Variants in ZEB2 observed in about 807,000 individuals in gnomAD.
ZEB2 encodes the protein zinc finger E-box binding homeobox 2, also known as zinc finger E-box-binding homeobox 2.
Under a neutral mutation model 99.9 loss-of-function variants are expected in ZEB2, and 6 were observed. The observed-to-expected ratio is 0.06, with a 90% CI of 0.03 to 0.12. The LOEUF is 0.12. Among genes scored for constraint, ZEB2 ranks in the 10% least tolerant of loss-of-function variants. The pLI, the probability that ZEB2 is intolerant of heterozygous loss-of-function variation, is 1.00. For missense variants in ZEB2, 969 were observed against 1,502.8 expected (o/e 0.64, Z 5.87); for synonymous variants, 517 against 542.5 (o/e 0.95, Z 0.65).
intron 4 of ZEB2, among the ~76,000 whole-genome samples, chr2:144,409,117 G>A (rs1003574396): frequency 1.3e-5 from 2 of 152,152 alleles, no homozygotes; most frequent in African/African-American, 4.8e-5. Context: ...AGGCCGAGGT[G>A]CACCTTGCAG....
At chr2:144,507,290 T>C (rs908069556) in intron 2 of ZEB2, 6 of 152,170 alleles carry the variant, frequency 3.9e-5, no homozygotes, top group African/African-American at 1.2e-4. Flanking sequence ...CAATAGAGTA[T>C]GACATTTAAT....
chr2:144,459,815 AG>A (rs1704167846), intron 2 of ZEB2, among the ~76,000 whole-genome samples: 1 of 152,226 alleles, frequency 6.6e-6, no homozygotes, highest in South Asian at 2.1e-4. Context: ...AAAATTATAC[AG>A]GAAGGGTAAA....
In ZEB2 at chr2:144,443,718, T is replaced by C. The variant is rs575820150; in HGVS notation, c.74-13692A>G. Among the ~76,000 whole-genome samples, 22 of 152,332 alleles carry C rather than the reference T, an allele frequency of 1.4e-4. No individual in the cohort carries two copies. The South Asian group carries it at 4.1e-3, about 29-fold the overall frequency. ...TTAAAATCATGAAACACCACAGTAT[T>C]TGTTCTCACAGATTCCTTTCACTTT... On this transcript the variant is annotated intron_variant, in intron 2 of 9. Transcript: ENST00000627532.
chr2:144,455,852 AT>A lies in ZEB2; in HGVS notation c.74-25827del, dbSNP rs1248880879. The stretch of plus-strand genomic sequence containing the variant: ...TCTTTCCTAATCCCAAGAAGCCATT[AT>A]TATTACTTAAAGTATATCTCAAGGT... On this transcript the variant is annotated intron_variant, in intron 2 of 9. Coordinates refer to ENST00000627532, the MANE Select transcript of ZEB2 (RefSeq NM_014795.4). 3.9e-5 allele frequency among the ~76,000 whole-genome samples: 6 copies of A among 152,258 alleles called. 1 individual carries two copies. In the East Asian group the frequency reaches 1.2e-3, roughly 29 times the overall value.
chr2:144,484,714 AC>A (rs1052457264), intron 2 of ZEB2, among the ~76,000 whole-genome samples: 1 of 151,548 alleles, frequency 6.6e-6, no homozygotes, highest in Non-Finnish European at 1.5e-5. Flanking sequence ...CCCTCTCATC[AC>A]CCTCTCTATG....
chr2:144,423,387 G>A (rs1019664179), intron 4 of ZEB2, among the ~76,000 whole-genome samples: 6 of 152,074 alleles, frequency 3.9e-5, no homozygotes, highest in Admixed American at 3.9e-4. Flanking sequence ...TCATGATATC[G>A]CTTTATTTTT....
At chr2:144,505,591 T>C (rs542646347) in intron 2 of ZEB2, among the ~76,000 whole-genome samples, 1 of 152,108 alleles carries the variant, frequency 6.6e-6, no homozygotes, top group East Asian at 1.9e-4. Context: ...GGTGGCTGGA[T>C]TGTAGGAGGT....
chr2:144,458,745 T>G, intron 2 of ZEB2, among the ~76,000 whole-genome samples: 1 of 152,164 alleles, frequency 6.6e-6, no homozygotes, highest in East Asian at 1.9e-4. Context: ...GATGAAGCAA[T>G]TTTAGCCTTT....
At chr2:144,515,797 TAGAGAGAG>T (rs10639317) in intron 2 of ZEB2, among the ~76,000 whole-genome samples, 1 of 146,748 alleles carries the variant, frequency 6.8e-6, no homozygotes, top group African/African-American at 2.5e-5. Context: ...ACACAAAACC[TAGAGAGAG>T]AGAGAGAGAG....
chr2:144,396,291 T>C (rs1211040133), intron 9 of ZEB2, 121 bp downstream of exon 9: 2 of 1,303,882 alleles, frequency 1.5e-6, no homozygotes, highest in African/African-American at 2.9e-5. Context: ...AAGCATTATT[T>C]CTTCCTTGTT....
intron 4 of ZEB2, among the ~76,000 whole-genome samples, chr2:144,407,315 C>T (rs1014466636): frequency 4.6e-5 from 7 of 152,258 alleles, no homozygotes; most frequent in African/African-American, 1.7e-4. Context: ...AGATTTTATA[C>T]CTTGAAATTT....
chr2:144,412,199 G>A (rs1703474297), intron 4 of ZEB2, among the ~76,000 whole-genome samples: 1 of 152,172 alleles, frequency 6.6e-6, no homozygotes, highest in South Asian at 2.1e-4. Flanking sequence ...AACCTGGGAG[G>A]CGGAGGTTGC....
intron 4 of ZEB2, among the ~76,000 whole-genome samples, chr2:144,422,950 C>T (rs1000685006): frequency 6.6e-6 from 1 of 152,114 alleles, no homozygotes; most frequent in Non-Finnish European, 1.5e-5. Context: ...GAAATGATAA[C>T]CATGTTTTAG....
rs1179835914 is a variant in ZEB2 at position 144,385,951 on chromosome 2, G to A, written c.*3500C>T. 1 of 152,138 alleles carries A rather than the reference G, an allele frequency of 6.6e-6. No homozygotes were observed. Among genetic ancestry groups the A allele is most frequent in the Admixed American group, 6.5e-5 (1 of 15,270 alleles). 9.4% of individuals were successfully genotyped at this position (152,138 alleles called of 1,614,324 possible). On this transcript the variant is annotated 3_prime_UTR_variant, in exon 10 of 10. Transcript: ENST00000627532. Reference sequence around the variant, plus strand: ...CCGCCCCCAGTCCAATTCATGCTAAGGAAGATGTATGTTTTGTTTAGCTCT... The same window carrying A: ...CCGCCCCCAGTCCAATTCATGCTAAAGAAGATGTATGTTTTGTTTAGCTCT...
rs1161739986 is a variant in ZEB2 at position 144,440,515 on chromosome 2, A to T, written c.74-10489T>A. 8.4e-3 allele frequency among the ~76,000 whole-genome samples: 273 copies of T among 32,648 alleles called. 4 individuals are homozygous for T. The highest frequency in any genetic ancestry group is 0.02 in the African/African-American group (255 of 12,508). The allele number at this position is 32,648 out of a possible 152,430, so 21.4% of individuals were successfully genotyped here. On this transcript the variant is annotated intron_variant, in intron 2 of 9. Transcript: ENST00000627532. ...TATATATATATATATATATATATATATTTTTTTTTTTTTTTTTTTTTTTTT... is the reference window on the plus strand; with the variant it reads ...TATATATATATATATATATATATATTTTTTTTTTTTTTTTTTTTTTTTTTT...
At chr2:144,438,457 A>G (rs984698972) in intron 2 of ZEB2, among the ~76,000 whole-genome samples, 2 of 151,724 alleles carry the variant, frequency 1.3e-5, no homozygotes, top group Admixed American at 1.3e-4. Flanking sequence ...TTTAGAAGAG[A>G]TGTGGCTCGA....
chr2:144,456,025 A>G lies in ZEB2; in HGVS notation c.74-25999T>C, dbSNP rs1383297181. Among the ~76,000 whole-genome samples the G allele has an allele frequency of 3.9e-5, 6 of 152,314 alleles. No homozygotes were observed. The East Asian group carries it at 1.2e-3, about 29-fold the overall frequency. On this transcript the variant is annotated intron_variant, in intron 2 of 9. Coordinates refer to ENST00000627532, the MANE Select transcript of ZEB2 (RefSeq NM_014795.4). ...GATGAATACAGATATTGCAACTCTT[A>G]TAAGAACTTAAAGATGGCGAACTCA...
intron 2 of ZEB2, among the ~76,000 whole-genome samples, chr2:144,509,363 T>A (rs1377445943): frequency 6.6e-6 from 1 of 152,248 alleles, no homozygotes; most frequent in South Asian, 2.1e-4. Flanking sequence ...GCTTGGGTCA[T>A]GGGGGTGGAT....
At chr2:144,437,979 G>A (rs1175326134) in intron 2 of ZEB2, among the ~76,000 whole-genome samples, 1 of 152,194 alleles carries the variant, frequency 6.6e-6, no homozygotes, top group East Asian at 1.9e-4. Flanking sequence ...CTAAGATACA[G>A]ATATAACTGA....
Sources: gnomAD v4.1 joint callset for allele counts (sites outside exome capture counted in the v4.1 genomes callset) on GRCh38, gnomAD v4.1.1 for gene constraint, MANE v1.5 for transcripts, NCBI Gene and HGNC (gene_info 2026-07-23, HGNC 2026-07-21) for gene names.